Variants in SETD2 observed in about 807,000 individuals in gnomAD.
The protein encoded by SETD2 is SET domain containing 2, histone lysine methyltransferase, also known as histone-lysine N-methyltransferase SETD2.
A neutral mutation model predicts 242.1 loss-of-function variants in SETD2; 31 were observed. The ratio of observed to expected loss-of-function variants is 0.13; its 90% CI spans 0.10 to 0.17. SETD2 has a LOEUF of 0.17. Among genes scored for constraint, SETD2 ranks in the 10% least tolerant of loss-of-function variants. SETD2 has a pLI of 1.00. For synonymous variants in SETD2, 1,006 were observed against 1,066.5 expected (o/e 0.94, Z 1.11); for missense variants, 2,481 against 3,046.3 (o/e 0.81, Z 4.37).
At chr3:47,099,106 A>G (rs920250246) in intron 8 of SETD2, among the ~76,000 whole-genome samples, 5 of 152,206 alleles carry the variant, frequency 3.3e-5, no homozygotes, top group Non-Finnish European at 5.9e-5. Context: ...TTCAGAGTTC[A>G]CTATGTTTAA....
chr3:47,071,083 T>C (rs1395463968), intron 12 of SETD2, among the ~76,000 whole-genome samples: 1 of 152,132 alleles, frequency 6.6e-6, no homozygotes, highest in East Asian at 1.9e-4. Context: ...GATGCTTTGA[T>C]CTTCAGCTTC....
At position 47,121,377 on chromosome 3, in the gene SETD2, A is replaced by G. The variant is rs2043078975; in HGVS notation, c.3259T>C (p.Ser1087Pro). The G allele has an allele frequency of 6.2e-7, 1 of 1,609,952 alleles. No homozygotes were observed. The highest frequency in any genetic ancestry group is 8.5e-7 in the Non-Finnish European group (1 of 1,180,010). ...TLPMEETSPC[S>P]SRSSQSYRHY... ...CTATAACTTTGACTGCTCCGAGAAG[A>G]ACAAGGACTTGTTTCTTCCATGGGC... The change falls in exon 3 of 21, where the codon TCT (serine) becomes CCT (proline). Residue 1087 changes from serine to proline, a missense_variant. Coordinates refer to ENST00000409792, the MANE Select transcript of SETD2 (RefSeq NM_014159.7).
At chr3:47,075,046 A>G (rs2040992411) in intron 12 of SETD2, among the ~76,000 whole-genome samples, 1 of 151,792 alleles carries the variant, frequency 6.6e-6, no homozygotes, top group Non-Finnish European at 1.5e-5. Context: ...TGGCAGGAGA[A>G]TGGCGTGAAC....
intron 9 of SETD2, among the ~76,000 whole-genome samples, chr3:47,089,283 T>C (rs2041696314): frequency 6.6e-6 from 1 of 152,004 alleles, no homozygotes; most frequent in African/African-American, 2.4e-5. Context: ...TCATCTCTAC[T>C]AAAAATCAAA....
chr3:47,162,986 C>A (rs193146153), intron 1 of SETD2, among the ~76,000 whole-genome samples: 1 of 152,272 alleles, frequency 6.6e-6, no homozygotes, highest in African/African-American at 2.4e-5. Flanking sequence ...TTTAGAGAAT[C>A]CTCAAACGAT....
chr3:47,046,077 T>C (rs1385375721), intron 16 of SETD2, among the ~76,000 whole-genome samples: 2 of 151,790 alleles, frequency 1.3e-5, no homozygotes, highest in Non-Finnish European at 2.9e-5. Flanking sequence ...CTCATGCCTA[T>C]AAATAATCCC....
chr3:47,053,861 G>GT (rs1458452568), intron 15 of SETD2, among the ~76,000 whole-genome samples: 4 of 152,280 alleles, frequency 2.6e-5, no homozygotes, highest in Non-Finnish European at 5.9e-5. Flanking sequence ...AACTATTTGT[G>GT]TAAGTAACCA....
At chr3:47,148,800 G>A (rs193004164) in intron 1 of SETD2, among the ~76,000 whole-genome samples, 32 of 152,250 alleles carry the variant, frequency 2.1e-4, no homozygotes, top group Admixed American at 7.9e-4. Context: ...GGTGGCTCAC[G>A]CCTGTAATCC....
intron 18 of SETD2, among the ~76,000 whole-genome samples, chr3:47,033,036 T>C (rs2038843253): frequency 6.6e-6 from 1 of 152,182 alleles, no homozygotes; most frequent in African/African-American, 2.4e-5. Flanking sequence ...AGATAAATTT[T>C]ACTAAAAAAA....
intron 8 of SETD2, among the ~76,000 whole-genome samples, chr3:47,100,096 C>G (rs2042152150): frequency 6.6e-6 from 1 of 151,810 alleles, no homozygotes; most frequent in African/African-American, 2.4e-5. Context: ...GCATGTGCCA[C>G]CCCACCTGGC....
chr3:47,120,678 A>C lies in SETD2; in HGVS notation c.3958T>G (p.Tyr1320Asp), dbSNP rs2107744622. Reference protein sequence around the residue: ...SGRPPGTGVVYDRTQGQVPDS... With the variant: ...SGRPPGTGVVDDRTQGQVPDS... ...GGTACTTGTCCTTGAGTTCGATCAT[A>C]CACAACCCCAGTTCCAGGAGGTCTA... Residue 1320 changes from tyrosine (Y) to aspartate (D), a missense_variant, in exon 3 of 21, where the codon TAT becomes GAT. Physicochemically the swap from Tyr to Asp is radical, Grantham distance 160. This residue lies in a region of SETD2 where 1,300 missense variants were observed against 1,259.2 expected (regional missense o/e 1.03). Transcript: ENST00000409792. 3.1e-6 allele frequency: 5 copies of C among 1,614,136 alleles called. No homozygotes were observed. The highest frequency in any genetic ancestry group is 4.2e-6 in the Non-Finnish European group (5 of 1,180,032).
intron 1 of SETD2, among the ~76,000 whole-genome samples, chr3:47,135,579 G>A (rs1281983636): frequency 6.6e-6 from 1 of 152,168 alleles, no homozygotes; most frequent in Non-Finnish European, 1.5e-5. Flanking sequence ...GGCACGCCTG[G>A]CCTAGGGGTG....
intron 1 of SETD2, among the ~76,000 whole-genome samples, chr3:47,149,895 C>T (rs1055435939): frequency 6.6e-6 from 1 of 151,996 alleles, no homozygotes; most frequent in Non-Finnish European, 1.5e-5. Context: ...AACTGACAGA[C>T]TTTAGAAAAC....
intron 8 of SETD2, among the ~76,000 whole-genome samples, chr3:47,100,409 C>T (rs1395672994): frequency 6.6e-5 from 10 of 151,752 alleles, no homozygotes; most frequent in South Asian, 2.1e-4. Context: ...TACAGGCGTG[C>T]GCCACCACGC....
At chr3:47,163,687 G>C in intron 1 of SETD2, 167 bp downstream of exon 1, 1 of 519,028 alleles carries the variant, frequency 1.9e-6, no homozygotes, top group Non-Finnish European at 2.9e-6. Flanking sequence ...CCCCGGCCAA[G>C]CGGCTCGAAG....
At chr3:47,141,446 T>C (rs1227379028) in intron 1 of SETD2, among the ~76,000 whole-genome samples, 2 of 152,146 alleles carry the variant, frequency 1.3e-5, no homozygotes, top group African/African-American at 4.8e-5. Context: ...TCATGCAAAT[T>C]AGCTCTGAAA....
chr3:47,025,314 T>TC (rs1476491301), intron 18 of SETD2, among the ~76,000 whole-genome samples: 4 of 152,184 alleles, frequency 2.6e-5, no homozygotes, highest in Non-Finnish European at 5.9e-5. Context: ...TTGGCAAGAT[T>TC]CCCCAGCATC....
At position 47,097,951 on chromosome 3, in the gene SETD2, T is replaced by G; in HGVS notation, c.5142+4A>C. On this transcript the variant is annotated splice_donor_region_variant and intron_variant, in intron 9 of 20. Coordinates refer to ENST00000409792, the MANE Select transcript of SETD2 (RefSeq NM_014159.7). ...TGAAAGTTGAAAGAAAAATGCAAAC[T>G]TACTGAATCCTTCTTACGAGATCGT... 6.2e-7 allele frequency: 1 copy of G among 1,611,318 alleles called. No individual in the cohort carries two copies. Among genetic ancestry groups the G allele is most frequent in the Non-Finnish European group, 8.5e-7 (1 of 1,179,014 alleles).
intron 1 of SETD2, among the ~76,000 whole-genome samples, chr3:47,127,187 T>C (rs1179711197): frequency 1.3e-5 from 2 of 151,564 alleles, no homozygotes; most frequent in East Asian, 3.9e-4. Context: ...TGAAACCCTG[T>C]CTCTATAAAA....
Sources: allele counts gnomAD v4.1 joint callset (sites outside exome capture counted in the v4.1 genomes callset), GRCh38; gene constraint gnomAD v4.1.1; regional missense constraint gnomAD v4.1.1; transcripts MANE v1.5; gene names NCBI Gene and HGNC (gene_info 2026-07-23, HGNC 2026-07-21).